Variants in ZNF423 observed in about 807,000 individuals in gnomAD.
ZNF423 encodes the protein Ebf-associated zinc finger protein.
A neutral mutation model predicts 95.8 loss-of-function variants in ZNF423; 12 were observed. The observed-to-expected ratio is 0.13, with a 90% CI of 0.08 to 0.20. ZNF423 has a LOEUF of 0.20. Ranked by LOEUF, ZNF423 falls within the 10% of genes least tolerant of loss-of-function variation. The pLI, the probability that ZNF423 is intolerant of heterozygous loss-of-function variation, is 1.00. For missense variants in ZNF423, 1,316 were observed against 1,737.1 expected, an observed-to-expected ratio of 0.76 and a Z score of 4.31; for synonymous variants, 749 against 711.9, an observed-to-expected ratio of 1.05 and a Z score of -0.83.
At chr16:49,723,376 A>T (rs528625059) in intron 3 of ZNF423, among the ~76,000 whole-genome samples, 5 of 152,328 alleles carry the variant, frequency 3.3e-5, no homozygotes, top group African/African-American at 1.2e-4. Flanking sequence ...AAGGCCAGGC[A>T]TCTCAAGCAG....
intron 5 of ZNF423, among the ~76,000 whole-genome samples, chr16:49,564,965 C>T (rs1050758572): frequency 4.6e-5 from 7 of 152,148 alleles, no homozygotes; most frequent in South Asian, 2.1e-4. Context: ...GATTAACAGC[C>T]GGCCACCTCA....
chr16:49,659,691 C>A (rs999716979), intron 3 of ZNF423, among the ~76,000 whole-genome samples: 1 of 152,226 alleles, frequency 6.6e-6, no homozygotes, highest in East Asian at 1.9e-4. Context: ...CGATCAGTCA[C>A]CCCAGATCCT....
intron 5 of ZNF423, among the ~76,000 whole-genome samples, chr16:49,615,809 C>T (rs575831522): frequency 9.8e-4 from 150 of 152,344 alleles, no homozygotes; most frequent in African/African-American, 3.4e-3. Flanking sequence ...TCTCGCCTCC[C>T]TACAGGGAAA....
In ZNF423 at chr16:49,637,926, T is replaced by C. The variant is rs1227458964; in HGVS notation, c.1250A>G (p.Tyr417Cys). ...DDGQGWTKVV[Y>C]SCPYCSKRDF... ...CCGCTTGGAACAATAGGGGCAGCTA[T>C]AGACCACCTTGGTCCAGCCCTGCCC... Residue 417 changes from tyrosine (Y) to cysteine (C), a missense_variant, in exon 4 of 8, where the codon TAT (tyrosine) becomes TGT (cysteine). By Grantham distance (194) the Tyr-to-Cys change is radical (BLOSUM62 -2). Around this residue, in one of 6 missense-constraint regions of ZNF423, gnomAD observed 399 missense variants for 478.5 expected, o/e 0.83. Transcript: ENST00000563137. This position sits in a 1 kb window ranked among gnomAD's most constrained non-coding sequence, Gnocchi z 5.6. 1.2e-6 allele frequency: 2 copies of C among 1,614,142 alleles called. No homozygotes were observed. Among genetic ancestry groups the C allele is most frequent in the Non-Finnish European group, 1.7e-6 (2 of 1,180,036 alleles).
In ZNF423 at chr16:49,500,886, G is replaced by A. The variant is rs147156901; in HGVS notation, c.3850-9582C>T. Among the ~76,000 whole-genome samples the A allele has an allele frequency of 2.8e-4, 42 of 152,040 alleles. No homozygotes were observed. The East Asian group carries it at 7.9e-3, about 29-fold the overall frequency. On this transcript the variant is annotated intron_variant, in intron 7 of 7. Transcript: ENST00000563137. ...TCATGCCAGTGCACTCCAGCCACAG[G>A]GTGAGACCTCATTTAAAAAAAAAAA...
intron 1 of ZNF423, among the ~76,000 whole-genome samples, chr16:49,842,314 A>G (rs138648644): frequency 0.019 from 354 of 18,980 alleles, 12 homozygotes; most frequent in South Asian, 0.04. Flanking sequence ...GAGGCGAGGG[A>G]AGGGAAGGGA....
At chr16:49,706,022 G>A (rs77843143) in intron 3 of ZNF423, among the ~76,000 whole-genome samples, 9,808 of 152,192 alleles carry the variant, frequency 0.064, 474 homozygotes, top group South Asian at 0.3. Flanking sequence ...GGCTTTACAG[G>A]GAGGCACACT....
At chr16:49,828,796 G>A (rs1018955347) in intron 1 of ZNF423, among the ~76,000 whole-genome samples, 3 of 152,224 alleles carry the variant, frequency 2.0e-5, no homozygotes, top group Non-Finnish European at 4.4e-5. Flanking sequence ...TCCCACAACC[G>A]GCTATGGAGG....
At chr16:49,586,907 C>T (rs1970858958) in intron 5 of ZNF423, among the ~76,000 whole-genome samples, 1 of 152,114 alleles carries the variant, frequency 6.6e-6, no homozygotes, top group Non-Finnish European at 1.5e-5. Context: ...ACTTTGTTTT[C>T]TGAAACCCCA....
At chr16:49,563,552 T>A (rs959786195) in intron 5 of ZNF423, among the ~76,000 whole-genome samples, 2 of 152,238 alleles carry the variant, frequency 1.3e-5, no homozygotes, top group East Asian at 3.9e-4. Context: ...GCTGTCATTA[T>A]CTTGATTTTA....
At chr16:49,525,210 C>A (rs932364477) in intron 6 of ZNF423, among the ~76,000 whole-genome samples, 153 bp downstream of exon 6, 1 of 152,142 alleles carries the variant, frequency 6.6e-6, no homozygotes, top group Admixed American at 6.5e-5. Context: ...GGGCAAAGGG[C>A]CTGTTAATCC....
chr16:49,789,591 C>A, intron 1 of ZNF423, 45 bp from the exon 2 acceptor site: 5 of 1,589,406 alleles, frequency 3.1e-6, no homozygotes, highest in Non-Finnish European at 4.3e-6. Context: ...GAAGGCTGTA[C>A]AAATAGATCA....
intron 1 of ZNF423, among the ~76,000 whole-genome samples, chr16:49,852,880 T>C (rs1304101415): frequency 6.6e-6 from 1 of 151,136 alleles, no homozygotes; most frequent in Non-Finnish European, 1.5e-5. Context: ...AGAAGGGAGG[T>C]TGTGTCCGTG....
chr16:49,628,482 C>T (rs1046858339), intron 4 of ZNF423, among the ~76,000 whole-genome samples: 4 of 151,884 alleles, frequency 2.6e-5, no homozygotes, highest in African/African-American at 9.7e-5. Flanking sequence ...ATCCACCTAC[C>T]TATTGTCTGT....
At chr16:49,738,214 G>T (rs144612137) in intron 2 of ZNF423, among the ~76,000 whole-genome samples, 1 of 152,168 alleles carries the variant, frequency 6.6e-6, no homozygotes, top group Non-Finnish European at 1.5e-5. Context: ...TCATCTTGGC[G>T]GCCTCAAAGC....
chr16:49,716,280 C>T lies in ZNF423; in HGVS notation c.301+14491G>A, dbSNP rs573185397. On this transcript the variant is annotated intron_variant, in intron 3 of 7. Coordinates refer to ENST00000563137, the MANE Select transcript of ZNF423 (RefSeq NM_001379286.1). Reference sequence around the variant, plus strand: ...AACCCTCAGAGGGGTCAGACCCGCTCCAGCAGATCTGACCTCATCACCCCC... The same window carrying T: ...AACCCTCAGAGGGGTCAGACCCGCTTCAGCAGATCTGACCTCATCACCCCC... Among the ~76,000 whole-genome samples the T allele has an allele frequency of 2.2e-3, 342 of 152,220 alleles. 2 individuals are homozygous for T. The highest frequency in any genetic ancestry group is 7.9e-3 in the African/African-American group (327 of 41,532).
intron 5 of ZNF423, among the ~76,000 whole-genome samples, chr16:49,561,636 C>T (rs754961035): frequency 1.1e-4 from 16 of 152,170 alleles, no homozygotes; most frequent in Non-Finnish European, 1.9e-4. Flanking sequence ...CAGGCATTAA[C>T]TTTCTCCTAT....
Position 49,638,936 on chromosome 16 carries a change from A to G in ZNF423, c.302-62T>C. The G allele has an allele frequency of 1.3e-6, 2 of 1,528,060 alleles. No individual in the cohort carries two copies. The highest frequency in any genetic ancestry group is 1.8e-6 in the Non-Finnish European group (2 of 1,136,444). 94.7% of individuals were successfully genotyped at this position (1,528,060 alleles called of 1,614,324 possible). ...CCCAGGGCTGCCGAGAAACAAGGAC[A>G]GAGCCAGCTTCTCGACAGCACGCGG... On this transcript the variant is annotated intron_variant, in intron 3 of 7. Coordinates refer to ENST00000563137, the MANE Select transcript of ZNF423 (RefSeq NM_001379286.1). The surrounding 1 kb of genome is among the most constrained non-coding windows in gnomAD (Gnocchi z 5.6).
intron 3 of ZNF423, among the ~76,000 whole-genome samples, chr16:49,659,159 G>A (rs1040642338): frequency 1.3e-5 from 2 of 152,202 alleles, no homozygotes; most frequent in African/African-American, 2.4e-5. Context: ...CGCAATCATA[G>A]CTCACTGTGG....
Sources: gnomAD v4.1 joint callset for allele counts (sites outside exome capture counted in the v4.1 genomes callset) on GRCh38, gnomAD v4.1.1 for gene constraint, gnomAD v4.1.1 regional missense constraint, Gnocchi (gnomAD v3.1) non-coding constraint, MANE v1.5 for transcripts, NCBI Gene and HGNC (gene_info 2026-07-23, HGNC 2026-07-21) for gene names.